Variants in CCDC18 observed in about 807,000 individuals in gnomAD.
CCDC18 encodes coiled-coil domain containing 18.
CCDC18 carries 157 observed loss-of-function variants against 196.0 expected under a neutral mutation model. The observed-to-expected ratio is 0.80, with a 90% CI of 0.70 to 0.91. CCDC18 has a LOEUF of 0.91. Ranked by LOEUF, CCDC18 falls within the 40% of genes least tolerant of loss-of-function variation. The pLI, the probability that CCDC18 is intolerant of heterozygous loss-of-function variation, is 0.00. For synonymous variants in CCDC18, 482 were observed against 529.2 expected (o/e 0.91, Z 1.22); for missense variants, 1,465 against 1,611.6 (o/e 0.91, Z 1.56).
chr1:93,221,045 G>T (rs1234313040), intron 14 of CCDC18, among the ~76,000 whole-genome samples: 1 of 152,146 alleles, frequency 6.6e-6, no homozygotes. Flanking sequence ...GGGCATTTAG[G>T]TTGATTCCAT....
chr1:93,273,071 T>C (rs1187863355), intron 28 of CCDC18, among the ~76,000 whole-genome samples: 2 of 145,326 alleles, frequency 1.4e-5, no homozygotes, highest in African/African-American at 5.2e-5. Flanking sequence ...ATTGCTTTTC[T>C]TTTCTTTTTT....
At chr1:93,194,675 G>A (rs1652410152) in intron 6 of CCDC18, among the ~76,000 whole-genome samples, 1 of 152,114 alleles carries the variant, frequency 6.6e-6, no homozygotes, top group African/African-American at 2.4e-5. Flanking sequence ...TATAAACTTT[G>A]TGGTTAAATA....
intron 7 of CCDC18, among the ~76,000 whole-genome samples, chr1:93,203,157 A>G (rs552928452): frequency 3.6e-4 from 55 of 152,156 alleles, no homozygotes; most frequent in Non-Finnish European, 7.2e-4. Flanking sequence ...GCTATGAGGG[A>G]TGTTAAAGTT....
At chr1:93,242,384 ACT>A (rs1660929905) in intron 21 of CCDC18, among the ~76,000 whole-genome samples, 1 of 152,118 alleles carries the variant, frequency 6.6e-6, no homozygotes, top group African/African-American at 2.4e-5. Flanking sequence ...ATCTCTTGAG[ACT>A]GATTCACTCT....
chr1:93,239,587 T>C (rs1660495584), intron 20 of CCDC18, 96 bp from the exon 21 acceptor site: 1 of 1,359,886 alleles, frequency 7.4e-7, no homozygotes. Flanking sequence ...GTATTTTGCC[T>C]CTCGTAGATG....
rs1251646593 is a variant in CCDC18, at chr1:93,210,893, G to C, written c.1301G>C (p.Cys434Ser). 5 of 1,613,930 alleles carry C rather than the reference G, an allele frequency of 3.1e-6. No homozygotes were observed. Among genetic ancestry groups the C allele is most frequent in the Non-Finnish European group, 4.2e-6 (5 of 1,179,860 alleles). The change falls in exon 10 of 29, where the codon TGT becomes TCT. Residue 434 changes from cysteine (C) to serine (S), a missense_variant. By Grantham distance (112) the Cys-to-Ser change is moderately radical. Coordinates refer to ENST00000690025, the MANE Select transcript of CCDC18 (RefSeq NM_001378204.1). ...SNKEDRCIGC[C>S]EANKLVISEL... is the part of the protein sequence containing the mutation. The stretch of plus-strand genomic sequence containing the variant: ...AAGGAAGACCGTTGCATTGGCTGCT[G>C]TGAGGCAAATAAATTGGTGATTTCG...
intron 2 of CCDC18, 59 bp downstream of exon 2, chr1:93,183,554 G>A (rs17131709): frequency 0.075 from 90,599 of 1,205,156 alleles, 3,730 homozygotes; most frequent in African/African-American, 0.12. Flanking sequence ...AATGTAAAAT[G>A]TGTGGATTTC....
intron 26 of CCDC18, among the ~76,000 whole-genome samples, chr1:93,262,683 G>T (rs1663970433): frequency 6.6e-6 from 1 of 152,204 alleles, no homozygotes; most frequent in African/African-American, 2.4e-5. Context: ...GCTTTTCCAA[G>T]TGCACGGTGC....
chr1:93,273,075 C>T (rs2101571083), intron 28 of CCDC18, among the ~76,000 whole-genome samples: 1 of 146,934 alleles, frequency 6.8e-6, no homozygotes, highest in Admixed American at 6.8e-5. Context: ...CTTTTCTTTT[C>T]TTTTTTTTTT....
chr1:93,221,871 GAAAATATGAA>G lies in CCDC18; in HGVS notation c.2111_2120del (p.Glu704GlyfsTer6), dbSNP rs765533724. ...TTACTGTTTTTAGGAAATGAAAAAGGAAAATATGAAGAAAGATGAAGCTTTAAAAGCATTA... is the reference window on the plus strand; with the variant it reads ...TTACTGTTTTTAGGAAATGAAAAAGGGAAAGATGAAGCTTTAAAAGCATTA... On this transcript the variant is annotated frameshift_variant, in exon 16 of 29. Coordinates refer to ENST00000690025, the MANE Select transcript of CCDC18 (RefSeq NM_001378204.1). LOFTEE classifies it high-confidence loss of function. 5.6e-6 allele frequency: 9 copies of G among 1,599,684 alleles called. No homozygotes were observed. The highest frequency in any genetic ancestry group is 6.0e-6 in the Non-Finnish European group (7 of 1,172,302).
At chr1:93,180,399 G>A (rs1649318694), upstream of CCDC18, 1 of 1,234,780 alleles carries the variant, frequency 8.1e-7, no homozygotes, top group South Asian at 1.4e-5. Context: ...CTCCGAAAGA[G>A]AAGCGCAGTT....
At chr1:93,277,803 T>G (rs1022288778) in intron 28 of CCDC18, among the ~76,000 whole-genome samples, 1 of 152,148 alleles carries the variant, frequency 6.6e-6, no homozygotes, top group African/African-American at 2.4e-5. Flanking sequence ...TCTTCCTTTT[T>G]CATTGATTTT....
At chr1:93,233,613 T>A (rs931558107) in intron 18 of CCDC18, among the ~76,000 whole-genome samples, 2 of 139,884 alleles carry the variant, frequency 1.4e-5, no homozygotes, top group African/African-American at 6.4e-5. Context: ...GTATTTTTTT[T>A]TTGAGACGGA....
In CCDC18 at chr1:93,232,590, A is replaced by G. The variant is rs770358033; in HGVS notation, c.2457A>G (p.Lys819=). 1.9e-6 allele frequency: 3 copies of G among 1,582,230 alleles called. No individual in the cohort carries two copies. Among genetic ancestry groups the G allele is most frequent in the Non-Finnish European group, 2.6e-6 (3 of 1,159,454 alleles). ...ELEDTQTKLE[K]QVSKLEQELQ... ...AAGATACTCAAACTAAACTTGAAAAACAGGTATATATTATTAGCCCAAGAT... is the reference window on the plus strand; with the variant it reads ...AAGATACTCAAACTAAACTTGAAAAGCAGGTATATATTATTAGCCCAAGAT... The change falls in exon 18 of 29, where the codon AAA becomes AAG. Residue 819 remains lysine (K), a synonymous_variant. Coordinates refer to ENST00000690025, the MANE Select transcript of CCDC18 (RefSeq NM_001378204.1).
chr1:93,249,769 C>T (rs1054834478), intron 23 of CCDC18, among the ~76,000 whole-genome samples: 4 of 152,018 alleles, frequency 2.6e-5, no homozygotes, highest in Admixed American at 1.3e-4. Flanking sequence ...GTAATATGTC[C>T]AATAATATTT....
Position 93,258,849 on chromosome 1 carries a change from A to C in CCDC18, c.3648A>C (p.Ala1216=). 1.2e-6 allele frequency: 2 copies of C among 1,603,522 alleles called. No homozygotes were observed. Among genetic ancestry groups the C allele is most frequent in the South Asian group, 2.3e-5 (2 of 88,792 alleles). The part of the protein sequence containing the change: ...RMQAEIKKLS[A]EVESLKEAYH... ...AAGCAGAAATCAAGAAATTGTCAGC[A>C]GAAGTAGAATCTCTCAAAGAAGCTT... Residue 1216 remains alanine, a synonymous_variant, in exon 26 of 29, where the codon GCA becomes GCC. Transcript: ENST00000690025.
Position 93,213,255 on chromosome 1 carries a change from T to C in CCDC18, c.1495+994T>C, listed in dbSNP as rs1390335431. On this transcript the variant is annotated intron_variant, in intron 11 of 28. Coordinates refer to ENST00000690025, the MANE Select transcript of CCDC18 (RefSeq NM_001378204.1). ...GGGTTGGGGACCCCTGCAGTTAAGA[T>C]GCACCCATTTTAATATACAGTTTGA... Among the ~76,000 whole-genome samples, 3 of 152,232 alleles carry C rather than the reference T, an allele frequency of 2.0e-5. No individual in the cohort carries two copies. In the East Asian group the frequency reaches 5.8e-4, roughly 29 times the overall value.
chr1:93,205,234 C>T (rs184464965), intron 7 of CCDC18, among the ~76,000 whole-genome samples: 35 of 152,224 alleles, frequency 2.3e-4, no homozygotes, highest in African/African-American at 7.7e-4. Context: ...TTTAGTAACT[C>T]GGACGCAGCA....
Position 93,212,246 on chromosome 1 carries a change from G to T in CCDC18, c.1480G>T (p.Gly494Cys). 1 of 1,585,666 alleles carries T rather than the reference G, an allele frequency of 6.3e-7. No individual in the cohort carries two copies. The highest frequency in any genetic ancestry group is 1.2e-5 in the South Asian group (1 of 84,176). Residue 494 changes from glycine to cysteine, a missense_variant, in exon 11 of 29, where the codon GGT (glycine) becomes TGT (cysteine). Physicochemically the swap from Gly to Cys is radical, Grantham distance 159. Coordinates refer to ENST00000690025, the MANE Select transcript of CCDC18 (RefSeq NM_001378204.1). ...TTTAGAAACAGAACCTGTAAAGCTAGGTGGTCATCAAGTAGGTAAGTATAT... is the reference window on the plus strand; with the variant it reads ...TTTAGAAACAGAACCTGTAAAGCTATGTGGTCATCAAGTAGGTAAGTATAT... Reference protein sequence around the residue: ...SSLETEPVKLGGHQVAESVKD... With the variant: ...SSLETEPVKLCGHQVAESVKD...
Sources: allele counts gnomAD v4.1 joint callset (sites outside exome capture counted in the v4.1 genomes callset), GRCh38; gene constraint gnomAD v4.1.1; transcripts MANE v1.5; gene names NCBI Gene and HGNC (gene_info 2026-07-23, HGNC 2026-07-21).